Variants in AGO3 observed in about 807,000 individuals in gnomAD.
AGO3 encodes the protein argonaute RISC catalytic component 3.
In AGO3, 16 loss-of-function variants were observed where a neutral mutation model predicts 105.5. The observed-to-expected ratio is 0.15, with a 90% CI of 0.10 to 0.23. AGO3 has a LOEUF of 0.23. AGO3 is among the 10% of genes least tolerant of loss of function. AGO3 has a pLI of 1.00. For synonymous variants in AGO3, 340 were observed against 367.3 expected (o/e 0.93, Z 0.85); for missense variants, 534 against 1,088.0 (o/e 0.49, Z 7.16).
intron 5 of AGO3, among the ~76,000 whole-genome samples, chr1:35,985,649 G>A (rs1338038578): frequency 1.3e-5 from 2 of 152,118 alleles, no homozygotes; most frequent in Admixed American, 1.3e-4. Flanking sequence ...TTTATTTCTA[G>A]GTGAATTATA....
intron 5 of AGO3, among the ~76,000 whole-genome samples, chr1:35,992,506 A>G (rs1187268159): frequency 6.6e-6 from 1 of 152,078 alleles, no homozygotes; most frequent in Non-Finnish European, 1.5e-5. Flanking sequence ...CTAGGTTTGT[A>G]CCTTAAATTT....
chr1:36,027,183 C>T lies in AGO3; in HGVS notation c.1476C>T (p.Phe492=). Residue 492 remains phenylalanine, a synonymous_variant, in exon 12 of 19, where the codon TTC becomes TTT. Transcript: ENST00000373191. The surrounding 1 kb of genome is among the most constrained non-coding windows in gnomAD (Gnocchi z 4.0). ...TGCCCATCCAGGGCCAGCCATGCTT[C>T]TGCAAATATGCACAGGGGGCAGACA... ...AGMPIQGQPC[F]CKYAQGADSV... 6.2e-7 allele frequency: 1 copy of T among 1,614,202 alleles called. No homozygotes were observed. The highest frequency in any genetic ancestry group is 1.1e-5 in the South Asian group (1 of 91,088).
At position 35,963,962 on chromosome 1, in the gene AGO3, T is replaced by C. The variant is rs547611827; in HGVS notation, c.192-2993T>C. Among the ~76,000 whole-genome samples, 184 of 147,730 alleles carry C rather than the reference T, an allele frequency of 1.2e-3. 1 individual carries two copies. The highest frequency in any genetic ancestry group is 4.7e-3 in the African/African-American group (183 of 38,700). On this transcript the variant is annotated intron_variant, in intron 2 of 18. Coordinates refer to ENST00000373191, the MANE Select transcript of AGO3 (RefSeq NM_024852.4). ...TGAATTCAGCTCTAGATATATTCCA[T>C]TGGAAGTTCCAGCATTTCACTGAGG...
intron 5 of AGO3, among the ~76,000 whole-genome samples, chr1:35,990,255 TC>T (rs1474100550): frequency 6.6e-6 from 1 of 152,146 alleles, no homozygotes; most frequent in Non-Finnish European, 1.5e-5. Context: ...ACGCCTGTAA[TC>T]CCAGCACTTT....
At chr1:35,930,924 G>C (rs957345499), upstream of AGO3, 6 of 279,530 alleles carry the variant, frequency 2.1e-5, no homozygotes, top group African/African-American at 4.5e-5. Context: ...CGGCCCGGCG[G>C]GGTACGGCCG....
intron 9 of AGO3, among the ~76,000 whole-genome samples, chr1:36,010,020 G>A (rs897966067): frequency 1.5e-5 from 2 of 136,204 alleles, no homozygotes; most frequent in African/African-American, 5.6e-5. Context: ...CTCACTGCAA[G>A]CTCTGCCTCC....
intron 6 of AGO3, chr1:36,005,898 A>G: frequency 3.0e-6 from 3 of 985,048 alleles, no homozygotes; most frequent in Non-Finnish European, 3.6e-6. Context: ...ATTAAAGCCA[A>G]AAGTGTTTTT....
At chr1:36,006,286 T>A (rs1221231200) in intron 6 of AGO3, among the ~76,000 whole-genome samples, 1 of 152,118 alleles carries the variant, frequency 6.6e-6, no homozygotes, top group East Asian at 1.9e-4. Flanking sequence ...TAGATTTTCT[T>A]AGTATATTCA....
chr1:35,993,451 T>C (rs1647879840), intron 5 of AGO3, among the ~76,000 whole-genome samples: 1 of 152,208 alleles, frequency 6.6e-6, no homozygotes, highest in Non-Finnish European at 1.5e-5. Context: ...CTAAAAATTC[T>C]TCAGAATTGA....
At chr1:36,003,884 G>C (rs965486646) in intron 5 of AGO3, 3 of 151,764 alleles carry the variant, frequency 2.0e-5, no homozygotes, top group Non-Finnish European at 2.9e-5. Flanking sequence ...GCCAGGCATG[G>C]TGGCTAACAC....
intron 1 of AGO3, among the ~76,000 whole-genome samples, chr1:35,944,122 T>C (rs1483878001): frequency 6.6e-6 from 1 of 152,224 alleles, no homozygotes; most frequent in East Asian, 1.9e-4. Flanking sequence ...AATTGCTAGA[T>C]CACATGGCAA....
At chr1:36,009,426 A>G in intron 8 of AGO3, 49 bp from the exon 9 acceptor site, 1 of 1,108,230 alleles carries the variant, frequency 9.0e-7, no homozygotes, top group Non-Finnish European at 1.2e-6. Context: ...AGTAAGAGCT[A>G]AAAAAAAAAG....
chr1:36,049,520 A>C (rs1349845035), intron 17 of AGO3, among the ~76,000 whole-genome samples: 1 of 151,868 alleles, frequency 6.6e-6, no homozygotes, highest in Non-Finnish European at 1.5e-5. Context: ...CTATCTCAAA[A>C]AAAAAAAAAA....
intron 11 of AGO3, among the ~76,000 whole-genome samples, chr1:36,026,449 C>G (rs945388102): frequency 6.6e-6 from 1 of 152,094 alleles, no homozygotes; most frequent in African/African-American, 2.4e-5. Flanking sequence ...TAAAAAAATC[C>G]TCTGAGGGCA....
chr1:36,054,127 C>T (rs1642833460), intron 17 of AGO3, among the ~76,000 whole-genome samples: 2 of 152,052 alleles, frequency 1.3e-5, no homozygotes, highest in Non-Finnish European at 2.9e-5. Context: ...CATGAGCCAC[C>T]ATGCCCAGCC....
chr1:35,945,101 C>T (rs1313193339), intron 1 of AGO3, among the ~76,000 whole-genome samples: 1 of 152,164 alleles, frequency 6.6e-6, no homozygotes, highest in Non-Finnish European at 1.5e-5. Context: ...TGTGAGCTGC[C>T]ATGCTTGGCC....
chr1:36,019,122 A>G (rs1016793776), intron 11 of AGO3, among the ~76,000 whole-genome samples: 1 of 152,048 alleles, frequency 6.6e-6, no homozygotes, highest in African/African-American at 2.4e-5. Flanking sequence ...TCTGAATTCT[A>G]TATCATGAAG....
chr1:36,059,178 C>T lies in AGO3; in HGVS notation c.*3433C>T, dbSNP rs1033585658. The T allele has an allele frequency of 2.0e-5, 3 of 152,072 alleles. No homozygotes were observed. The highest frequency in any genetic ancestry group is 7.2e-5 in the African/African-American group (3 of 41,412). 9.4% of individuals were successfully genotyped at this position (152,072 alleles called of 1,614,324 possible). A position where few individuals can be genotyped will look rare whatever the true frequency, so the allele number is the denominator to read the frequency against. On this transcript the variant is annotated 3_prime_UTR_variant, in exon 19 of 19. Coordinates refer to ENST00000373191, the MANE Select transcript of AGO3 (RefSeq NM_024852.4). Reference sequence around the variant, plus strand: ...TGATTTCTTTTTTAGAGTGCTCTTACACTAGTCAGCATTGCTAGTTTAAAG... The same window carrying T: ...TGATTTCTTTTTTAGAGTGCTCTTATACTAGTCAGCATTGCTAGTTTAAAG...
chr1:35,970,055 G>T (rs1167871756), intron 3 of AGO3, among the ~76,000 whole-genome samples: 3 of 152,046 alleles, frequency 2.0e-5, no homozygotes, highest in African/African-American at 7.2e-5. Flanking sequence ...GGATGTTCCT[G>T]GTTTATTTTA....
Sources: allele counts gnomAD v4.1 joint callset (sites outside exome capture counted in the v4.1 genomes callset), GRCh38; gene constraint gnomAD v4.1.1; non-coding constraint Gnocchi (gnomAD v3.1); transcripts MANE v1.5; gene names NCBI Gene and HGNC (gene_info 2026-07-23, HGNC 2026-07-21).